Variants in POLA1 observed in about 807,000 individuals in gnomAD.
The protein encoded by POLA1 is DNA polymerase alpha catalytic subunit.
POLA1 carries 15 observed loss-of-function variants against 124.0 expected under a neutral mutation model. The ratio of observed to expected loss-of-function variants is 0.12; its 90% CI spans 0.08 to 0.19. The LOEUF (loss-of-function observed/expected upper bound fraction) is 0.19, where lower values mean the gene tolerates loss of function less well. Ranked by LOEUF, POLA1 falls within the 10% of genes least tolerant of loss-of-function variation. The pLI is 1.00. For synonymous variants in POLA1, 408 were observed against 389.4 expected (o/e 1.05, Z -0.56); for missense variants, 886 against 1,103.4 (o/e 0.80, Z 2.79).
chrX:24,715,451 C>T (rs6526402), intron 6 of POLA1, among the ~76,000 whole-genome samples: 294 of 110,763 alleles, frequency 2.7e-3, no homozygotes, highest in African/African-American at 9.3e-3. Context: ...CCTGCCACCA[C>T]GCCCGGCTAA....
intron 32 of POLA1, among the ~76,000 whole-genome samples, chrX:24,835,473 C>T (rs2046329656): frequency 8.9e-6 from 1 of 111,778 alleles, no homozygotes; most frequent in Non-Finnish European, 1.9e-5. Context: ...TTTATATTTC[C>T]GTGATTGCAC....
intron 36 of POLA1, among the ~76,000 whole-genome samples, chrX:24,933,644 C>T (rs1010566777): frequency 2.7e-5 from 3 of 112,163 alleles, no homozygotes; most frequent in South Asian, 3.7e-4. Flanking sequence ...TTACCATTTC[C>T]ATCATAAAGC....
chrX:24,899,622 G>A (rs1215291976), intron 35 of POLA1, among the ~76,000 whole-genome samples: 2 of 111,879 alleles, frequency 1.8e-5, no homozygotes, highest in African/African-American at 3.3e-5. Flanking sequence ...GAGAGAAGGG[G>A]TGAAAACAGT....
intron 35 of POLA1, among the ~76,000 whole-genome samples, chrX:24,889,521 G>A (rs1396386177): frequency 2.7e-5 from 3 of 112,272 alleles, no homozygotes; most frequent in Non-Finnish European, 5.6e-5. Context: ...TTCCAAATTC[G>A]TCTAGCCTGA....
intron 35 of POLA1, among the ~76,000 whole-genome samples, chrX:24,897,474 G>C (rs1035696692): frequency 5.5e-5 from 6 of 109,333 alleles, no homozygotes; most frequent in African/African-American, 2.0e-4. Context: ...GGGAGATCCA[G>C]TGCCTGGAAC....
At chrX:24,801,920 G>GGGGTGTGTGTGTGTGTGTGTGT (rs2045711780) in intron 26 of POLA1, among the ~76,000 whole-genome samples, 2 of 47,520 alleles carry the variant, frequency 4.2e-5, no homozygotes, top group East Asian at 9.7e-4. Flanking sequence ...AGGAGAGGTG[G>GGGGTGTGTGTGTGTGTGTGTGT]GTGGGTGTGT....
intron 4 of POLA1, among the ~76,000 whole-genome samples, chrX:24,709,208 T>C (rs1602255637): frequency 1.1e-5 from 1 of 89,001 alleles, no homozygotes; most frequent in African/African-American, 4.4e-5. Flanking sequence ...CCCCCCCACC[T>C]CCCTCCCGGA....
At chrX:24,709,273 C>T (rs1444177229) in intron 4 of POLA1, among the ~76,000 whole-genome samples, 24 of 96,359 alleles carry the variant, frequency 2.5e-4, no homozygotes, top group African/African-American at 9.4e-4. Flanking sequence ...CCGGACGGCA[C>T]GGCTGGCCAG....
intron 23 of POLA1, among the ~76,000 whole-genome samples, chrX:24,743,809 A>G (rs993561006): frequency 2.7e-5 from 3 of 112,305 alleles, no homozygotes; most frequent in African/African-American, 9.7e-5. Flanking sequence ...TTTAACTTTA[A>G]TAGGAGAATA....
At chrX:24,771,874 C>T (rs2045044243) in intron 26 of POLA1, among the ~76,000 whole-genome samples, 2 of 111,780 alleles carry the variant, frequency 1.8e-5, no homozygotes, top group African/African-American at 6.5e-5. Context: ...AAAATTAATA[C>T]ATGTTCATTG....
chrX:24,714,963 A>G (rs1174731001), intron 5 of POLA1, among the ~76,000 whole-genome samples, 178 bp from the exon 6 acceptor site: 1 of 112,372 alleles, frequency 8.9e-6, no homozygotes, highest in East Asian at 2.8e-4. Context: ...AGATGTAGGA[A>G]TGCTATATAC....
intron 35 of POLA1, among the ~76,000 whole-genome samples, chrX:24,903,515 A>G (rs1407801903): frequency 1.8e-5 from 2 of 112,202 alleles, no homozygotes; most frequent in Non-Finnish European, 1.9e-5. Flanking sequence ...CTGCTTGAAT[A>G]TGGGGAACTA....
intron 35 of POLA1, among the ~76,000 whole-genome samples, chrX:24,902,492 T>G (rs2047296184): frequency 8.9e-6 from 1 of 112,342 alleles, no homozygotes; most frequent in South Asian, 3.7e-4. Flanking sequence ...ATCATGTGAC[T>G]GTTAGACTCC....
intron 5 of POLA1, 74 bp from the exon 6 acceptor site, chrX:24,715,067 A>G: frequency 1.4e-6 from 1 of 705,099 alleles, no homozygotes; most frequent in East Asian, 3.2e-5. Flanking sequence ...TTCCTTTCAT[A>G]TACATGTGTG....
At chrX:24,894,793 T>C (rs923711818) in intron 35 of POLA1, among the ~76,000 whole-genome samples, 4 of 108,391 alleles carry the variant, frequency 3.7e-5, no homozygotes, top group African/African-American at 1.4e-4. Flanking sequence ...CTTTTCTTTT[T>C]TTTTTTTTTG....
At chrX:24,877,327 C>T (rs2046948162) in intron 34 of POLA1, among the ~76,000 whole-genome samples, 1 of 111,840 alleles carries the variant, frequency 8.9e-6, no homozygotes, top group African/African-American at 3.3e-5. Context: ...TTCAAGAGTT[C>T]AGTGCATGGA....
chrX:24,880,898 C>A, intron 34 of POLA1, among the ~76,000 whole-genome samples: 1 of 111,694 alleles, frequency 9.0e-6, no homozygotes, highest in Middle Eastern at 4.6e-3. Flanking sequence ...TAGTAATAAT[C>A]TGATGAACTC....
chrX:24,984,540 G>A (rs1038723853), intron 36 of POLA1, among the ~76,000 whole-genome samples: 19 of 111,092 alleles, frequency 1.7e-4, no homozygotes, highest in African/African-American at 5.9e-4. Flanking sequence ...GAAAAAAAAA[G>A]TGTGTGTTTA....
chrX:24,803,930 TAAAAAAAAAAAAAAAAA>T (rs34721601), intron 26 of POLA1, among the ~76,000 whole-genome samples: 2 of 13,841 alleles, frequency 1.4e-4, no homozygotes, highest in South Asian at 9.2e-3. Flanking sequence ...ACCCTAGACT[TAAAAAAAAAAAAAAAAA>T]AAAAAAAAAA....
Sources: gnomAD v4.1 joint callset for allele counts (sites outside exome capture counted in the v4.1 genomes callset) on GRCh38, gnomAD v4.1.1 for gene constraint, MANE v1.5 for transcripts, NCBI Gene and HGNC (gene_info 2026-07-23, HGNC 2026-07-21) for gene names.